FARS2: variants seen among roughly 807,000 people sequenced by gnomAD.
The protein encoded by FARS2 is phenylalanyl-tRNA synthetase 2, mitochondrial, also known as phenylalanine--tRNA ligase, mitochondrial.
A neutral mutation model predicts 46.4 loss-of-function variants in FARS2; 40 were observed. That is an observed-to-expected ratio of 0.86 (90% CI 0.67 to 1.12). The LOEUF is 1.12. FARS2 is among the 50% of genes most tolerant of loss of function. The probability of loss-of-function intolerance (pLI) is 0.00; values close to 1 mark genes in which losing one functional copy is unlikely to be tolerated. For synonymous variants in FARS2, 234 were observed against 214.9 expected, an observed-to-expected ratio of 1.09 and a Z score of -0.78; for missense variants, 513 against 567.9, an observed-to-expected ratio of 0.90 and a Z score of 0.98.
chr6:5,272,544 AATAG>A lies in FARS2; in HGVS notation c.-22+10887_-22+10890del, dbSNP rs34936757. On this transcript the variant is annotated intron_variant, in intron 1 of 6. Coordinates refer to ENST00000274680, the MANE Select transcript of FARS2 (RefSeq NM_006567.5). Reference sequence around the variant, plus strand: ...TATTTATTTATTTTTATTGATACATAATAGATGTACATATTTTTGGGGTACATGT... The same window carrying A: ...TATTTATTTATTTTTATTGATACATAATGTACATATTTTTGGGGTACATGT... 1,266 of 152,374 alleles carry A rather than the reference AATAG, an allele frequency of 8.3e-3. 16 individuals carry two copies. Among genetic ancestry groups the A allele is most frequent in the African/African-American group, 0.027 (1,137 of 41,590 alleles). The allele number at this position is 152,374 out of a possible 1,614,324, so 9.4% of individuals were successfully genotyped here.
In FARS2 at chr6:5,461,969, C is replaced by T. The variant is rs143660828; in HGVS notation, c.904+30797C>T. Among the ~76,000 whole-genome samples, 1,270 of 152,242 alleles carry T rather than the reference C, an allele frequency of 8.3e-3. 21 individuals are homozygous for T. The highest frequency in any genetic ancestry group is 0.029 in the African/African-American group (1,196 of 41,548). On this transcript the variant is annotated intron_variant, in intron 4 of 6. Coordinates refer to ENST00000274680, the MANE Select transcript of FARS2 (RefSeq NM_006567.5). ...TAGAATTGCTGGGTTGTATGGTAAGCTTATGATTGACTTTTAAAGAAACTG... is the reference window on the plus strand; with the variant it reads ...TAGAATTGCTGGGTTGTATGGTAAGTTTATGATTGACTTTTAAAGAAACTG...
chr6:5,282,958 C>T (rs1256836845), intron 1 of FARS2, among the ~76,000 whole-genome samples: 1 of 152,120 alleles, frequency 6.6e-6, no homozygotes, highest in Non-Finnish European at 1.5e-5. Flanking sequence ...ATTCAAGGGC[C>T]AGGCACGGTG....
chr6:5,690,844 A>G (rs9378981), intron 6 of FARS2, among the ~76,000 whole-genome samples: 58,133 of 152,112 alleles, frequency 0.38, 12,842 homozygotes, highest in Non-Finnish European at 0.5. Context: ...CCAATCAGAC[A>G]TAGATTTGGT....
chr6:5,673,599 C>T (rs1778596076), intron 6 of FARS2, among the ~76,000 whole-genome samples: 1 of 152,140 alleles, frequency 6.6e-6, no homozygotes, highest in African/African-American at 2.4e-5. Flanking sequence ...CTCATGCCAG[C>T]TCTGTGGAAG....
rs1458708157 is a variant in FARS2, at chr6:5,359,029, CCTTTTT to C, written c.-21-9520_-21-9515del. Among the ~76,000 whole-genome samples the C allele has an allele frequency of 1.5e-4, 11 of 72,512 alleles. 1 individual carries two copies. The highest frequency in any genetic ancestry group is 3.2e-4 in the African/African-American group (7 of 22,050). The allele number at this position is 72,512 out of a possible 152,430, so 47.6% of individuals were successfully genotyped here. A position where few individuals can be genotyped will look rare whatever the true frequency, so the allele number is the denominator to read the frequency against. ...TCGAATTATAGTGATGAAAAGATAC[CCTTTTT>C]TTTTTTTTTTTTTTTTTTTTTTGAT... On this transcript the variant is annotated intron_variant, in intron 1 of 6. Transcript: ENST00000274680.
chr6:5,255,999 T>G, the FARS2 span, among the ~76,000 whole-genome samples: 1 of 151,996 alleles, frequency 6.6e-6, no homozygotes, highest in Middle Eastern at 3.2e-3. Flanking sequence ...CCTAAGTACT[T>G]GATGTGTATT....
chr6:5,316,069 T>C (rs1296701883), intron 1 of FARS2, among the ~76,000 whole-genome samples: 1 of 152,228 alleles, frequency 6.6e-6, no homozygotes, highest in East Asian at 1.9e-4. Flanking sequence ...AATGGAGCCA[T>C]CTGCATGTTG....
At chr6:5,609,959 C>T (rs1341929742) in intron 5 of FARS2, 1 of 1,270,088 alleles carries the variant, frequency 7.9e-7, no homozygotes, top group East Asian at 2.3e-5. Context: ...ACAACTCTTC[C>T]ATCCACCTTG....
At chr6:5,307,754 C>T (rs1466614057) in intron 1 of FARS2, among the ~76,000 whole-genome samples, 1 of 151,528 alleles carries the variant, frequency 6.6e-6, no homozygotes, top group Non-Finnish European at 1.5e-5. Flanking sequence ...TTCATCTTGG[C>T]CTTGAAGTTG....
chr6:5,667,768 T>C (rs1778219259), intron 6 of FARS2, among the ~76,000 whole-genome samples: 1 of 152,222 alleles, frequency 6.6e-6, no homozygotes. Flanking sequence ...GACCCAGCCA[T>C]GCAAAGGTAT....
At chr6:5,767,345 C>T (rs568410610) in intron 6 of FARS2, among the ~76,000 whole-genome samples, 61 of 152,270 alleles carry the variant, frequency 4.0e-4, no homozygotes, top group African/African-American at 7.0e-4. Context: ...CATGAGCCAC[C>T]GCGCCCGGCC....
intron 4 of FARS2, among the ~76,000 whole-genome samples, chr6:5,444,184 G>A (rs544110549): frequency 4.0e-5 from 6 of 151,616 alleles, no homozygotes; most frequent in African/African-American, 7.3e-5. Flanking sequence ...AAATTTTAGC[G>A]CAGGCTGGGT....
intron 5 of FARS2, among the ~76,000 whole-genome samples, chr6:5,607,285 A>ATGTGTGTGTGTGTGTGTGTGTG (rs200898031): frequency 4.0e-5 from 3 of 74,984 alleles, no homozygotes; most frequent in African/African-American, 1.1e-4. Flanking sequence ...AATAATATGT[A>ATGTGTGTGTGTGTGTGTGTGTG]TGTGTGTGTG....
intron 2 of FARS2, among the ~76,000 whole-genome samples, chr6:5,398,863 T>G (rs2127707781): frequency 6.6e-6 from 1 of 152,302 alleles, no homozygotes; most frequent in Admixed American, 6.5e-5. Context: ...TGTTCAGTCC[T>G]GGAATGAACA....
chr6:5,621,552 A>G (rs912734380), intron 6 of FARS2, among the ~76,000 whole-genome samples: 2 of 152,244 alleles, frequency 1.3e-5, no homozygotes, highest in African/African-American at 2.4e-5. Context: ...GAAGGTACCC[A>G]TCATCCAGGG....
At chr6:5,345,437 G>A (rs771411601) in intron 1 of FARS2, among the ~76,000 whole-genome samples, 4 of 152,180 alleles carry the variant, frequency 2.6e-5, no homozygotes, top group Non-Finnish European at 5.9e-5. Flanking sequence ...TGGCAGGAGT[G>A]TCACTTCACC....
intron 6 of FARS2, among the ~76,000 whole-genome samples, chr6:5,689,357 C>T (rs1399497177): frequency 6.6e-6 from 1 of 152,098 alleles, no homozygotes; most frequent in Non-Finnish European, 1.5e-5. Context: ...TTTCCCTCTA[C>T]ACACTGCTTT....
rs1157440392 is a variant in FARS2 at position 5,311,731 on chromosome 6, T to G, written c.-22+50071T>G. Among the ~76,000 whole-genome samples, 1 of 152,202 alleles carries G rather than the reference T, an allele frequency of 6.6e-6. No individual in the cohort carries two copies. The highest frequency in any genetic ancestry group is 1.5e-5 in the Non-Finnish European group (1 of 68,048). ...AGACTAGGACCATGTGCTCTTTTTTTTGGCATGGAGGGTAAGTGAGAACGT... is the reference window on the plus strand; with the variant it reads ...AGACTAGGACCATGTGCTCTTTTTTGTGGCATGGAGGGTAAGTGAGAACGT... On this transcript the variant is annotated intron_variant, in intron 1 of 6. Transcript: ENST00000274680. This position sits in a 1 kb window ranked among gnomAD's most constrained non-coding sequence, Gnocchi z 4.1.
chr6:5,638,793 A>C (rs1230898261), intron 6 of FARS2, among the ~76,000 whole-genome samples: 4 of 151,964 alleles, frequency 2.6e-5, no homozygotes, highest in Non-Finnish European at 5.9e-5. Context: ...TCCTCGCGCG[A>C]GAGAATCTGA....
Sources: gnomAD v4.1 joint callset for allele counts (sites outside exome capture counted in the v4.1 genomes callset) on GRCh38, gnomAD v4.1.1 for gene constraint, Gnocchi (gnomAD v3.1) non-coding constraint, MANE v1.5 for transcripts, NCBI Gene and HGNC (gene_info 2026-07-23, HGNC 2026-07-21) for gene names.